The following PTPRD variants were observed in gnomAD, a reference collection of about 807,000 sequenced individuals.
PTPRD encodes the protein receptor-type tyrosine-protein phosphatase delta.
A neutral mutation model predicts 214.5 loss-of-function variants in PTPRD; 34 were observed. The ratio of observed to expected loss-of-function variants is 0.16; its 90% CI spans 0.12 to 0.21. PTPRD has a LOEUF of 0.21. Ranked by LOEUF, PTPRD falls within the 10% of genes least tolerant of loss-of-function variation. The pLI is 1.00. For synonymous variants in PTPRD, 1,128 were observed against 845.7 expected, an observed-to-expected ratio of 1.33 and a Z score of -5.79; for missense variants, 2,545 against 2,398.7, an observed-to-expected ratio of 1.06 and a Z score of -1.27.
intron 9 of PTPRD, among the ~76,000 whole-genome samples, chr9:9,378,114 G>A (rs955549792): frequency 1.3e-5 from 2 of 151,852 alleles, no homozygotes; most frequent in Admixed American, 6.6e-5. Flanking sequence ...ATTAGGGTTC[G>A]CTCTTGGTGT....
chr9:10,216,079 C>T (rs1249622582), intron 3 of PTPRD, among the ~76,000 whole-genome samples: 1 of 151,570 alleles, frequency 6.6e-6, no homozygotes, highest in Non-Finnish European at 1.5e-5. Context: ...ATTGATTTTC[C>T]CTTTAGATTT....
chr9:9,427,430 C>T (rs146864973), intron 8 of PTPRD, among the ~76,000 whole-genome samples: 6,346 of 152,192 alleles, frequency 0.042, 304 homozygotes, highest in African/African-American at 0.12. Context: ...ACCAAATCTA[C>T]GTCTGATTGG....
At chr9:9,194,128 G>C (rs1028832263) in intron 9 of PTPRD, among the ~76,000 whole-genome samples, 1 of 151,992 alleles carries the variant, frequency 6.6e-6, no homozygotes, top group Non-Finnish European at 1.5e-5. Context: ...ACAGGGTCAG[G>C]ATCATCAGTA....
At chr9:8,789,203 T>C (rs190154119) in intron 11 of PTPRD, among the ~76,000 whole-genome samples, 22 of 152,258 alleles carry the variant, frequency 1.4e-4, no homozygotes, top group African/African-American at 4.6e-4. Flanking sequence ...TTAATGCTTC[T>C]ACTAATGAAT....
rs1595345554 is a variant in PTPRD, at chr9:9,691,281, C to T, written c.-287+43252G>A. 7.2e-5 allele frequency among the ~76,000 whole-genome samples: 11 copies of T among 152,106 alleles called. 1 individual carries two copies. The South Asian group carries it at 2.3e-3, about 32-fold the overall frequency. On this transcript the variant is annotated intron_variant, in intron 7 of 45. Coordinates refer to ENST00000381196, the MANE Select transcript of PTPRD (RefSeq NM_002839.4). Reference sequence around the variant, plus strand: ...ACTAGCCATCCCTACCTCCCTCCCACACTCCCACTACCCTTCCTAGCCTTT... The same window carrying T: ...ACTAGCCATCCCTACCTCCCTCCCATACTCCCACTACCCTTCCTAGCCTTT...
At chr9:10,074,777 T>C (rs1330602264) in intron 3 of PTPRD, among the ~76,000 whole-genome samples, 1 of 152,112 alleles carries the variant, frequency 6.6e-6, no homozygotes, top group Non-Finnish European at 1.5e-5. Flanking sequence ...AAGGAAATGA[T>C]AAGCTCTGCT....
intron 10 of PTPRD, among the ~76,000 whole-genome samples, chr9:9,148,855 T>A (rs2099873071): frequency 6.6e-6 from 1 of 152,044 alleles, no homozygotes; most frequent in Admixed American, 6.5e-5. Flanking sequence ...AAACCTAAGG[T>A]AATAAAAACA....
intron 12 of PTPRD, among the ~76,000 whole-genome samples, chr9:8,722,381 GT>G (rs2098510281): frequency 6.6e-6 from 1 of 151,972 alleles, no homozygotes; most frequent in African/African-American, 2.4e-5. Context: ...CTAACACCAT[GT>G]ACTATTTTAG....
intron 10 of PTPRD, among the ~76,000 whole-genome samples, chr9:9,167,647 C>T (rs554365614): frequency 6.6e-6 from 1 of 151,704 alleles, no homozygotes; most frequent in Non-Finnish European, 1.5e-5. Context: ...CCCAGCTACT[C>T]GAGAGGCTGA....
chr9:9,970,940 T>C (rs927529410), intron 4 of PTPRD, among the ~76,000 whole-genome samples: 2 of 152,226 alleles, frequency 1.3e-5, no homozygotes, highest in African/African-American at 4.8e-5. Context: ...ATTTTAAATT[T>C]AAATTTTCAG....
intron 9 of PTPRD, among the ~76,000 whole-genome samples, chr9:9,370,852 T>C (rs1306731711): frequency 3.3e-5 from 5 of 152,140 alleles, no homozygotes; most frequent in Admixed American, 3.3e-4. Context: ...AGGCCTTTTC[T>C]GCATCTATTG....
chr9:10,314,922 A>T (rs926065994), intron 3 of PTPRD, among the ~76,000 whole-genome samples: 3 of 151,918 alleles, frequency 2.0e-5, no homozygotes, highest in Non-Finnish European at 4.4e-5. Context: ...GTGCTTGGTC[A>T]TAAGTTTCTT....
chr9:10,246,088 A>G (rs1049740414), intron 3 of PTPRD, among the ~76,000 whole-genome samples: 7 of 152,086 alleles, frequency 4.6e-5, no homozygotes, highest in Non-Finnish European at 1.0e-4. Context: ...TCTAGCAATC[A>G]CATACTTCAC....
At chr9:10,479,076 G>A (rs1265010785) in intron 2 of PTPRD, among the ~76,000 whole-genome samples, 1 of 152,104 alleles carries the variant, frequency 6.6e-6, no homozygotes, top group African/African-American at 2.4e-5. Flanking sequence ...CAGAAGCAAA[G>A]TTTCCTGGTA....
intron 4 of PTPRD, among the ~76,000 whole-genome samples, chr9:9,963,392 C>T (rs1055459926): frequency 1.1e-4 from 16 of 151,386 alleles, no homozygotes; most frequent in Non-Finnish European, 1.5e-5. Context: ...AAGAGAAATG[C>T]CTCTAAGTGT....
chr9:9,440,991 A>G (rs2087456417), intron 8 of PTPRD, among the ~76,000 whole-genome samples: 1 of 152,212 alleles, frequency 6.6e-6, no homozygotes, highest in Admixed American at 6.5e-5. Context: ...AGCCTAGTCA[A>G]TCTACAGAAA....
chr9:9,959,146 TAATAA>T (rs2094167634), intron 4 of PTPRD, among the ~76,000 whole-genome samples: 1 of 152,160 alleles, frequency 6.6e-6, no homozygotes, highest in South Asian at 2.1e-4. Context: ...TATATCTATA[TAATAA>T]AATATTATTC....
intron 3 of PTPRD, among the ~76,000 whole-genome samples, chr9:10,282,412 C>T (rs546277413): frequency 6.6e-6 from 1 of 152,216 alleles, no homozygotes; most frequent in African/African-American, 2.4e-5. Flanking sequence ...CCAGATAAGT[C>T]ACTTAGACAA....
At position 10,356,604 on chromosome 9, in the gene PTPRD, A is replaced by C. The variant is rs527977622; in HGVS notation, c.-599-15587T>G. On this transcript the variant is annotated intron_variant, in intron 2 of 45. Coordinates refer to ENST00000381196, the MANE Select transcript of PTPRD (RefSeq NM_002839.4). Reference sequence around the variant, plus strand: ...GATGAACATAATGCGTTTTTACCTTAAATCTTATTTTTTCCTAAATTGTGA... The same window carrying C: ...GATGAACATAATGCGTTTTTACCTTCAATCTTATTTTTTCCTAAATTGTGA... Among the ~76,000 whole-genome samples, 137 of 152,300 alleles carry C rather than the reference A, an allele frequency of 9.0e-4. 1 individual carries two copies. In the South Asian group the frequency reaches 0.012, roughly 13 times the overall value.
Sources: allele counts gnomAD v4.1 joint callset (sites outside exome capture counted in the v4.1 genomes callset), GRCh38; gene constraint gnomAD v4.1.1; transcripts MANE v1.5; gene names NCBI Gene and HGNC (gene_info 2026-07-23, HGNC 2026-07-21).